HS3ST3A1: variants seen among roughly 807,000 people sequenced by gnomAD.
The protein encoded by HS3ST3A1 is heparan sulfate glucosamine 3-O-sulfotransferase 3A1.
HS3ST3A1 carries 19 observed loss-of-function variants against 25.7 expected under a neutral mutation model. That is an observed-to-expected ratio of 0.74 (90% confidence interval 0.52 to 1.08). HS3ST3A1 has a LOEUF of 1.08. Ranked by LOEUF, HS3ST3A1 falls within the 50% of genes least tolerant of loss-of-function variation. The pLI is 0.00. For synonymous variants in HS3ST3A1, 226 were observed against 278.6 expected (o/e 0.81, Z 1.88); for missense variants, 459 against 594.3 (o/e 0.77, Z 2.37).
At chr17:13,498,409 A>G (rs940682772) in intron 1 of HS3ST3A1, among the ~76,000 whole-genome samples, 1 of 152,116 alleles carries the variant, frequency 6.6e-6, no homozygotes, top group African/African-American at 2.4e-5. Context: ...CTAACCACAG[A>G]AACTAAAATC....
At chr17:13,557,848 C>G (rs917547679) in intron 1 of HS3ST3A1, among the ~76,000 whole-genome samples, 14 of 152,176 alleles carry the variant, frequency 9.2e-5, no homozygotes, top group African/African-American at 3.4e-4. Flanking sequence ...GACCTGGAAT[C>G]CTCAGAGAAA....
intron 1 of HS3ST3A1, among the ~76,000 whole-genome samples, chr17:13,505,735 G>T (rs1396076283): frequency 6.6e-6 from 1 of 151,920 alleles, no homozygotes; most frequent in Non-Finnish European, 1.5e-5. Context: ...CATTAAAAAA[G>T]AAAATTTGGG....
chr17:13,537,251 C>A (rs1056471791), intron 1 of HS3ST3A1, among the ~76,000 whole-genome samples: 20 of 152,220 alleles, frequency 1.3e-4, no homozygotes, highest in Middle Eastern at 3.2e-3. Flanking sequence ...ACAATCTTTT[C>A]TTGGATAAAT....
At chr17:13,565,679 C>T (rs868807551) in intron 1 of HS3ST3A1, among the ~76,000 whole-genome samples, 1 of 152,170 alleles carries the variant, frequency 6.6e-6, no homozygotes, top group African/African-American at 2.4e-5. Context: ...AGTCACAGCT[C>T]GTTTGGATGG....
At chr17:13,521,680 T>G (rs1350840936) in intron 1 of HS3ST3A1, among the ~76,000 whole-genome samples, 1 of 152,210 alleles carries the variant, frequency 6.6e-6, no homozygotes, top group Non-Finnish European at 1.5e-5. Flanking sequence ...ATGGGCCTAC[T>G]TTGTGGGGTC....
rs577451385 is a variant in HS3ST3A1 at position 13,518,960 on chromosome 17, G to T, written c.600-22142C>A. On this transcript the variant is annotated intron_variant, in intron 1 of 1. Coordinates refer to ENST00000284110, the MANE Select transcript of HS3ST3A1 (RefSeq NM_006042.3). ...TATTGTATGTCTCTGAGGTTTTGTGGTAATGTTATGAAGCATTATTTTAGC... is the reference window on the plus strand; with the variant it reads ...TATTGTATGTCTCTGAGGTTTTGTGTTAATGTTATGAAGCATTATTTTAGC... Among the ~76,000 whole-genome samples the T allele has an allele frequency of 3.9e-5, 6 of 152,290 alleles. No homozygotes were observed. The East Asian group carries it at 1.2e-3, about 29-fold the overall frequency.
rs1004333558 is a variant in HS3ST3A1, at chr17:13,501,738, G to A, written c.600-4920C>T. On this transcript the variant is annotated intron_variant, in intron 1 of 1. Coordinates refer to ENST00000284110, the MANE Select transcript of HS3ST3A1 (RefSeq NM_006042.3). ...CCATTATTACTACAGGGAATACATG[G>A]AAGCACTCTTCTTAAGAATGTGACA... 7.9e-5 allele frequency among the ~76,000 whole-genome samples: 12 copies of A among 152,292 alleles called. No homozygotes were observed. In the East Asian group the frequency reaches 1.7e-3, roughly 22 times the overall value.
Position 13,494,465 on chromosome 17 carries a change from G to A in HS3ST3A1, c.*1732C>T, listed in dbSNP as rs1905217707. ...AGAAATATTTACATCACCTAATGCA[G>A]CAGCTATGGTAAATGTACAATTGTA... On this transcript the variant is annotated 3_prime_UTR_variant, in exon 2 of 2. Transcript: ENST00000284110. Among the ~76,000 whole-genome samples, 1 of 152,142 alleles carries A rather than the reference G, an allele frequency of 6.6e-6. No individual in the cohort carries two copies. Among genetic ancestry groups the A allele is most frequent in the African/African-American group, 2.4e-5 (1 of 41,426 alleles).
At chr17:13,586,115 G>C (rs1183516294) in intron 1 of HS3ST3A1, among the ~76,000 whole-genome samples, 1 of 151,962 alleles carries the variant, frequency 6.6e-6, no homozygotes, top group African/African-American at 2.4e-5. Context: ...CCAAAGTGCT[G>C]GGATTACAGG....
Position 13,506,057 on chromosome 17 carries a change from G to C in HS3ST3A1, c.600-9239C>G, listed in dbSNP as rs901443549. Among the ~76,000 whole-genome samples, 5 of 142,154 alleles carry C rather than the reference G, an allele frequency of 3.5e-5. No individual in the cohort carries two copies. The East Asian group carries it at 1.0e-3, about 29-fold the overall frequency. The allele number at this position is 142,154 out of a possible 152,430, so 93.3% of individuals were successfully genotyped here. A position where few individuals can be genotyped will look rare whatever the true frequency, so the allele number is the denominator to read the frequency against. On this transcript the variant is annotated intron_variant, in intron 1 of 1. Transcript: ENST00000284110. ...AAAAAAAAAAAAAAATTGGATTTCTGTTTCAGTAGAGTTGGAGTTACTTTT... is the reference window on the plus strand; with the variant it reads ...AAAAAAAAAAAAAAATTGGATTTCTCTTTCAGTAGAGTTGGAGTTACTTTT...
intron 1 of HS3ST3A1, among the ~76,000 whole-genome samples, chr17:13,542,133 G>A (rs1176708035): frequency 6.6e-6 from 1 of 152,108 alleles, no homozygotes; most frequent in African/African-American, 2.4e-5. Flanking sequence ...TCTGAGACCA[G>A]TCTGGCCAGC....
At chr17:13,560,289 C>CAAAAAAAAA (rs10632927) in intron 1 of HS3ST3A1, among the ~76,000 whole-genome samples, 304 of 17,376 alleles carry the variant, frequency 0.017, 97 homozygotes, top group Admixed American at 0.026. Context: ...CACTCGTCTC[C>CAAAAAAAAA]AAAAAAAAAA....
At chr17:13,509,380 A>C (rs1014749312) in intron 1 of HS3ST3A1, among the ~76,000 whole-genome samples, 1 of 152,240 alleles carries the variant, frequency 6.6e-6, no homozygotes, top group Non-Finnish European at 1.5e-5. Flanking sequence ...AATTAAAAGC[A>C]CAAGAATGAA....
intron 1 of HS3ST3A1, among the ~76,000 whole-genome samples, chr17:13,564,621 T>C (rs550123198): frequency 3.3e-5 from 5 of 152,238 alleles, no homozygotes; most frequent in Non-Finnish European, 7.4e-5. Flanking sequence ...ATTATTGTAT[T>C]GTTTTGTGGG....
intron 1 of HS3ST3A1, among the ~76,000 whole-genome samples, chr17:13,527,083 CT>C (rs1906455309): frequency 6.6e-6 from 1 of 152,150 alleles, no homozygotes; most frequent in South Asian, 2.1e-4. Flanking sequence ...AACCTACCTG[CT>C]TTGCCTTCCT....
intron 1 of HS3ST3A1, among the ~76,000 whole-genome samples, chr17:13,524,305 C>G (rs1303264887): frequency 6.6e-6 from 1 of 152,034 alleles, no homozygotes; most frequent in African/African-American, 2.4e-5. Flanking sequence ...TCACCCAGGC[C>G]AGAGTGCAGT....
chr17:13,594,028 T>G (rs900021518), intron 1 of HS3ST3A1, among the ~76,000 whole-genome samples: 3 of 152,206 alleles, frequency 2.0e-5, no homozygotes, highest in African/African-American at 7.2e-5. Flanking sequence ...TTGTTTTGTA[T>G]GATCCTGACA....
At chr17:13,559,898 G>T (rs1016692223) in intron 1 of HS3ST3A1, among the ~76,000 whole-genome samples, 8 of 151,748 alleles carry the variant, frequency 5.3e-5, no homozygotes, top group South Asian at 2.1e-4. Flanking sequence ...TTTGGTTTTG[G>T]TTTTTTTGCA....
chr17:13,550,534 A>G (rs573478832), intron 1 of HS3ST3A1, among the ~76,000 whole-genome samples: 1 of 152,256 alleles, frequency 6.6e-6, no homozygotes, highest in East Asian at 1.9e-4. Flanking sequence ...TCCCTGAATC[A>G]CCACTTGGAG....
Sources: allele counts gnomAD v4.1 joint callset (sites outside exome capture counted in the v4.1 genomes callset), GRCh38; gene constraint gnomAD v4.1.1; transcripts MANE v1.5; gene names NCBI Gene and HGNC (gene_info 2026-07-23, HGNC 2026-07-21).